ATL3: variants seen among roughly 807,000 people sequenced by gnomAD.
ATL3 encodes the protein atlastin GTPase 3.
In ATL3, 49 loss-of-function variants were observed where a neutral mutation model predicts 69.5. The ratio of observed to expected loss-of-function variants is 0.71; its 90% CI spans 0.56 to 0.89. The LOEUF is 0.89. ATL3 is among the 40% of genes least tolerant of loss of function. The pLI is 0.00. For synonymous variants in ATL3, 214 were observed against 224.1 expected (o/e 0.95, Z 0.40); for missense variants, 606 against 645.7 (o/e 0.94, Z 0.67).
At position 63,628,302 on chromosome 11, in the gene ATL3, A is replaced by G. The variant is rs796607455; in HGVS notation, c.*1017T>C. 28 of 151,922 alleles carry G rather than the reference A, an allele frequency of 1.8e-4. No individual in the cohort carries two copies. Among genetic ancestry groups the G allele is most frequent in the African/African-American group, 6.8e-4 (28 of 41,350 alleles). The allele number at this position is 151,922 out of a possible 1,614,324, so 9.4% of individuals were successfully genotyped here. ...AAGGCACGTTTGCCTCTTTTTCTAG[A>G]AAGAAGCTATAGGGACCAAAAAAAA... On this transcript the variant is annotated 3_prime_UTR_variant, in exon 13 of 13. Coordinates refer to ENST00000398868, the MANE Select transcript of ATL3 (RefSeq NM_015459.5).
rs752230117 is a variant in ATL3, at chr11:63,651,987, C to T, written c.511-1G>A. The T allele has an allele frequency of 6.2e-7, 1 of 1,602,006 alleles. No individual in the cohort carries two copies. Among genetic ancestry groups the T allele is most frequent in the South Asian group, 1.1e-5 (1 of 87,886 alleles). Reference sequence around the variant, plus strand: ...GAATGTTCTGAGATAAATTATAAATCTAGAAAACAAAAATCCAGATTGATA... The same window carrying T: ...GAATGTTCTGAGATAAATTATAAATTTAGAAAACAAAAATCCAGATTGATA... On this transcript the variant is annotated splice_acceptor_variant, in intron 4 of 12. Transcript: ENST00000398868. LOFTEE classifies it high-confidence loss of function.
At chr11:63,639,928 C>T (rs1321824178) in intron 8 of ATL3, among the ~76,000 whole-genome samples, 1 of 151,802 alleles carries the variant, frequency 6.6e-6, no homozygotes, top group Non-Finnish European at 1.5e-5. Context: ...CAACTATCTA[C>T]CTTATCTTTT....
chr11:63,653,484 T>C (rs998907682), intron 3 of ATL3, among the ~76,000 whole-genome samples: 1 of 151,250 alleles, frequency 6.6e-6, no homozygotes, highest in African/African-American at 2.4e-5. Context: ...AAACCAAAAC[T>C]CTTTGGTATA....
rs140112158 is a variant in ATL3 at position 63,634,215 on chromosome 11, A to G, written c.1036-1118T>C. On this transcript the variant is annotated intron_variant, in intron 10 of 12. Transcript: ENST00000398868. ...AAAAAAAAAAAAAAGAAGAAGAAGA[A>G]AAAAAAGGGGGCTGGGCGCGGTGAC... Among the ~76,000 whole-genome samples the G allele has an allele frequency of 8.6e-3, 1,301 of 150,872 alleles. 18 individuals carry two copies. The highest frequency in any genetic ancestry group is 0.03 in the African/African-American group (1,231 of 41,132).
At chr11:63,655,466 A>G (rs1357584538) in intron 3 of ATL3, among the ~76,000 whole-genome samples, 3 of 134,578 alleles carry the variant, frequency 2.2e-5, no homozygotes, top group African/African-American at 8.6e-5. Context: ...TTTTTTTTTT[A>G]GATGGAGTTT....
At chr11:63,632,826 C>A (rs1939367668) in intron 11 of ATL3, 200 bp downstream of exon 11, 3 of 744,482 alleles carry the variant, frequency 4.0e-6, no homozygotes, top group East Asian at 2.6e-5. Context: ...CTATTCAAAA[C>A]AAAACAAAAC....
intron 11 of ATL3, 144 bp from the exon 12 acceptor site, chr11:63,631,615 C>G: frequency 4.0e-6 from 3 of 757,374 alleles, no homozygotes; most frequent in Non-Finnish European, 6.2e-6. Context: ...ATGACTAAGA[C>G]CAATAAAGTC....
At chr11:63,654,444 T>A (rs1362573866) in intron 3 of ATL3, among the ~76,000 whole-genome samples, 3 of 147,548 alleles carry the variant, frequency 2.0e-5, no homozygotes, top group Non-Finnish European at 4.5e-5. Context: ...GTTGCCCAGG[T>A]TGGAGTACAA....
chr11:63,651,247 C>T (rs1940068339), intron 5 of ATL3, among the ~76,000 whole-genome samples: 1 of 151,906 alleles, frequency 6.6e-6, no homozygotes, highest in South Asian at 2.1e-4. Flanking sequence ...ACGAGGTCAA[C>T]AATTTGAGAC....
At chr11:63,643,611 C>A in intron 7 of ATL3, 116 bp from the exon 8 acceptor site, 1 of 912,896 alleles carries the variant, frequency 1.1e-6, no homozygotes, top group Non-Finnish European at 1.6e-6. Context: ...ATCATAGTGG[C>A]CAAATGAGAA....
At position 63,633,042 on chromosome 11, in the gene ATL3, T is replaced by C. The variant is rs1265220326; in HGVS notation, c.1091A>G (p.Tyr364Cys). ...AAAASAKDIY[Y>C]NNMEEVCGGE... ...CCCACGTACCTCTTCCATGTTGTTA[T>C]AATAAATGTCCTTGGCAGAGGCTGC... Residue 364 changes from tyrosine (Y) to cysteine (C), a missense_variant, in exon 11 of 13, where the codon TAT becomes TGT. Transcript: ENST00000398868. 2 of 1,614,150 alleles carry C rather than the reference T, an allele frequency of 1.2e-6. No individual in the cohort carries two copies. Among genetic ancestry groups the C allele is most frequent in the African/African-American group, 2.7e-5 (2 of 75,070 alleles).
In ATL3 at chr11:63,625,188, TCACA is replaced by T. The variant is rs371875890; in HGVS notation, c.*4127_*4130del. 27 of 152,010 alleles carry T rather than the reference TCACA, an allele frequency of 1.8e-4. No individual in the cohort carries two copies. Among genetic ancestry groups the T allele is most frequent in the Non-Finnish European group, 5.9e-5 (4 of 68,046 alleles). 9.4% of individuals were successfully genotyped at this position (152,010 alleles called of 1,614,324 possible). On this transcript the variant is annotated 3_prime_UTR_variant, in exon 13 of 13. Coordinates refer to ENST00000398868, the MANE Select transcript of ATL3 (RefSeq NM_015459.5). ...TCTTAATGTCATTTTTAAAAATTAATCACACAAATAGTTTGTACTTTCATAACTG... is the reference window on the plus strand; with the variant it reads ...TCTTAATGTCATTTTTAAAAATTAATCAAATAGTTTGTACTTTCATAACTG...
In ATL3 at chr11:63,631,380, T is replaced by G; in HGVS notation, c.1199A>C (p.Lys400Thr). ...ATCCTTCCCACCCATCTTCTTGGTCTTCTTAAAATGGTCCAGAGCAAGTTG... is the reference window on the plus strand; with the variant it reads ...ATCCTTCCCACCCATCTTCTTGGTCGTCTTAAAATGGTCCAGAGCAAGTTG... The part of the protein sequence containing the change: ...FKQLALDHFK[K>T]TKKMGGKDFS... Residue 400 changes from lysine to threonine, a missense_variant, in exon 12 of 13, where the codon AAG becomes ACG. Transcript: ENST00000398868. The G allele has an allele frequency of 6.2e-7, 1 of 1,614,216 alleles. No homozygotes were observed. Among genetic ancestry groups the G allele is most frequent in the Non-Finnish European group, 8.5e-7 (1 of 1,180,046 alleles).
At chr11:63,662,770 A>C (rs1253461138) in intron 1 of ATL3, among the ~76,000 whole-genome samples, 2 of 152,178 alleles carry the variant, frequency 1.3e-5, no homozygotes, top group East Asian at 1.9e-4. Flanking sequence ...CACCGTACCC[A>C]GCCAAGAAGT....
Position 63,659,030 on chromosome 11 carries a change from T to C in ATL3, c.261+8A>G. On this transcript the variant is annotated splice_region_variant and intron_variant, in intron 2 of 12. Transcript: ENST00000398868. ...CTTTTTACTTGAAATAAAATAATTCTATCTTACCTGAGAATATAAGTATCG... is the reference window on the plus strand; with the variant it reads ...CTTTTTACTTGAAATAAAATAATTCCATCTTACCTGAGAATATAAGTATCG... The C allele has an allele frequency of 1.2e-6, 2 of 1,613,314 alleles. No homozygotes were observed. The highest frequency in any genetic ancestry group is 1.7e-6 in the Non-Finnish European group (2 of 1,179,318).
Position 63,633,068 on chromosome 11 carries a change from A to AG in ATL3, c.1064dup (p.Ala356CysfsTer10). On this transcript the variant is annotated frameshift_variant, in exon 11 of 13. Coordinates refer to ENST00000398868, the MANE Select transcript of ATL3 (RefSeq NM_015459.5). LOFTEE classifies it high-confidence loss of function. ...AATAAATGTCCTTGGCAGAGGCTGC[A>AG]GCTGCTAAGTTGTTGGCTTCAGCAG... 6.2e-7 allele frequency: 1 copy of AG among 1,614,186 alleles called. No individual in the cohort carries two copies. Among genetic ancestry groups the AG allele is most frequent in the South Asian group, 1.1e-5 (1 of 91,082 alleles).
chr11:63,631,913 C>T (rs972135935), intron 11 of ATL3, among the ~76,000 whole-genome samples: 10 of 152,106 alleles, frequency 6.6e-5, no homozygotes, highest in Admixed American at 2.0e-4. Flanking sequence ...ACCCGGGAGG[C>T]GGAGGTTGCA....
At chr11:63,671,847 G>A, upstream of ATL3, 6 of 727,624 alleles carry the variant, frequency 8.2e-6, no homozygotes, top group Non-Finnish European at 7.3e-6. Context: ...CTAACGTGCA[G>A]ACCAGGCCCC....
chr11:63,627,547 A>G lies in ATL3; in HGVS notation c.*1772T>C, dbSNP rs1939155769. ...CCTTCCATTCATACTTCATGTATGT[A>G]AAGTTTACACTCAGATCTTACCTTC... is the stretch of plus-strand genomic sequence containing the variant. On this transcript the variant is annotated 3_prime_UTR_variant, in exon 13 of 13. Coordinates refer to ENST00000398868, the MANE Select transcript of ATL3 (RefSeq NM_015459.5). 6.6e-6 allele frequency: 1 copy of G among 152,230 alleles called. No individual in the cohort carries two copies. The allele number at this position is 152,230 out of a possible 1,614,324, so 9.4% of individuals were successfully genotyped here.
Sources: gnomAD v4.1 joint callset for allele counts (sites outside exome capture counted in the v4.1 genomes callset) on GRCh38, gnomAD v4.1.1 for gene constraint, MANE v1.5 for transcripts, NCBI Gene and HGNC (gene_info 2026-07-23, HGNC 2026-07-21) for gene names.